The following SLC25A33 variants were observed in gnomAD, a reference collection of about 807,000 sequenced individuals.
SLC25A33 encodes the protein bone marrow stromal cell mitochondrial carrier protein.
A neutral mutation model predicts 35.5 loss-of-function variants in SLC25A33; 15 were observed. That is an observed-to-expected ratio of 0.42 (90% CI 0.28 to 0.65). SLC25A33 has a LOEUF of 0.65. Ranked by LOEUF, SLC25A33 falls within the 30% of genes least tolerant of loss-of-function variation. The pLI is 0.20. For missense variants in SLC25A33, 257 were observed against 398.5 expected, an observed-to-expected ratio of 0.64 and a Z score of 3.02; for synonymous variants, 136 against 148.7, an observed-to-expected ratio of 0.91 and a Z score of 0.62.
At position 9,584,390 on chromosome 1, in the gene SLC25A33, C is replaced by G. The variant is rs1212763693; in HGVS notation, c.*1889C>G. ...TACAATACATGACAGTAATGCTATT[C>G]CAGAAGTTTTGTTTTGTTTTGTTTT... On this transcript the variant is annotated 3_prime_UTR_variant, in exon 7 of 7. Coordinates refer to ENST00000302692, the MANE Select transcript of SLC25A33 (RefSeq NM_032315.3). 6.6e-6 allele frequency: 1 copy of G among 152,116 alleles called. No homozygotes were observed. Among genetic ancestry groups the G allele is most frequent in the Non-Finnish European group, 1.5e-5 (1 of 68,054 alleles). 9.4% of individuals were successfully genotyped at this position (152,116 alleles called of 1,614,324 possible).
intron 1 of SLC25A33, among the ~76,000 whole-genome samples, chr1:9,546,281 T>A (rs1569841726): frequency 6.8e-6 from 1 of 146,738 alleles, no homozygotes; most frequent in African/African-American, 2.6e-5. Flanking sequence ...ATCTCCCGGG[T>A]TCACGCCATT....
At chr1:9,553,203 G>T (rs369700076) in intron 1 of SLC25A33, among the ~76,000 whole-genome samples, 209 of 56,344 alleles carry the variant, frequency 3.7e-3, no homozygotes, top group Middle Eastern at 0.021. Context: ...TTCTAGTTTT[G>T]TTTTTTTTTT....
intron 1 of SLC25A33, 21 bp from the exon 2 acceptor site, chr1:9,553,605 C>G (rs771490224): frequency 7.4e-6 from 12 of 1,611,862 alleles, no homozygotes; most frequent in Non-Finnish European, 1.0e-5. Context: ...CTTCTCTGAT[C>G]TGCTTTGGTT....
intron 1 of SLC25A33, among the ~76,000 whole-genome samples, chr1:9,545,163 G>A (rs1643149038): frequency 6.6e-6 from 1 of 152,056 alleles, no homozygotes; most frequent in South Asian, 2.1e-4. Context: ...AATAATGAGA[G>A]AAGGTAGAGG....
At chr1:9,539,851 G>A (rs1643049535) in intron 1 of SLC25A33, 104 bp downstream of exon 1, 5 of 1,077,480 alleles carry the variant, frequency 4.6e-6, no homozygotes, top group South Asian at 3.7e-5. Context: ...GGCCTTCCCC[G>A]GGCTACGGCG....
At chr1:9,568,822 G>C (rs1323571245) in intron 3 of SLC25A33, among the ~76,000 whole-genome samples, 1 of 151,980 alleles carries the variant, frequency 6.6e-6, no homozygotes, top group Non-Finnish European at 1.5e-5. Flanking sequence ...CTCCAGCCTG[G>C]GCGACAGAGC....
intron 4 of SLC25A33, 145 bp downstream of exon 4, chr1:9,570,503 A>G: frequency 1.5e-6 from 1 of 666,032 alleles, no homozygotes; most frequent in Non-Finnish European, 2.5e-6. Context: ...GTTACAACCA[A>G]TAGGAGAGTG....
chr1:9,571,147 TTCTAGTAGGG>T (rs1643584413), intron 4 of SLC25A33, among the ~76,000 whole-genome samples: 1 of 152,114 alleles, frequency 6.6e-6, no homozygotes, highest in South Asian at 2.1e-4. Flanking sequence ...GCAGTAGAGT[TTCTAGTAGGG>T]TCAGTGACAG....
intron 2 of SLC25A33, 149 bp downstream of exon 2, chr1:9,553,954 G>A: frequency 1.1e-6 from 1 of 940,106 alleles, no homozygotes; most frequent in African/African-American, 1.7e-5. Context: ...CAATACCTTT[G>A]AGCTCTGACC....
chr1:9,563,140 G>C (rs559461797), intron 2 of SLC25A33, among the ~76,000 whole-genome samples: 1 of 151,902 alleles, frequency 6.6e-6, no homozygotes, highest in Admixed American at 6.6e-5. Context: ...TAGCCAGGAC[G>C]GTCTCGATCT....
chr1:9,549,909 C>T (rs142798237), intron 1 of SLC25A33, among the ~76,000 whole-genome samples: 2,632 of 144,856 alleles, frequency 0.018, 42 homozygotes, highest in Non-Finnish European at 0.029. Context: ...AGGTGTGAGC[C>T]GCCACGCCCA....
rs578181879 is a variant in SLC25A33 at position 9,567,130 on chromosome 1, G to A, written c.237-154G>A. Among the ~76,000 whole-genome samples, 37 of 152,260 alleles carry A rather than the reference G, an allele frequency of 2.4e-4. 1 individual carries two copies. The South Asian group carries it at 7.0e-3, about 29-fold the overall frequency. ...TGATAGCAGTATTCTACAGCCTTCC[G>A]ATTCTGTATTGTAACCAAATCAGAT... On this transcript the variant is annotated intron_variant, in intron 2 of 6. Transcript: ENST00000302692.
intron 1 of SLC25A33, among the ~76,000 whole-genome samples, chr1:9,541,581 A>G (rs1204451499): frequency 6.6e-6 from 1 of 151,778 alleles, no homozygotes; most frequent in Admixed American, 6.6e-5. Flanking sequence ...GTGAGCCACC[A>G]TGCCCGGCAG....
At chr1:9,543,522 A>C (rs544429618) in intron 1 of SLC25A33, among the ~76,000 whole-genome samples, 1 of 152,314 alleles carries the variant, frequency 6.6e-6, no homozygotes, top group South Asian at 2.1e-4. Flanking sequence ...TTCTGTATGT[A>C]GGCTTGATTT....
At chr1:9,560,425 G>A (rs1039046282) in intron 2 of SLC25A33, among the ~76,000 whole-genome samples, 1 of 151,540 alleles carries the variant, frequency 6.6e-6, no homozygotes, top group Non-Finnish European at 1.5e-5. Context: ...TTAGCCAGGT[G>A]TGGCGGTGGG....
intron 2 of SLC25A33, among the ~76,000 whole-genome samples, chr1:9,557,516 T>C (rs991043878): frequency 6.6e-6 from 1 of 151,560 alleles, no homozygotes; most frequent in Non-Finnish European, 1.5e-5. Flanking sequence ...CTGGGCAATG[T>C]GGCGAAATCC....
At chr1:9,539,790 TC>T in intron 1 of SLC25A33, 43 bp downstream of exon 1, 2 of 1,319,012 alleles carry the variant, frequency 1.5e-6, no homozygotes. Flanking sequence ...CCGCCTGCGG[TC>T]CCCTCGGCCT....
In SLC25A33 at chr1:9,542,333, G is replaced by A. The variant is rs1482002972; in HGVS notation, c.56+2586G>A. On this transcript the variant is annotated intron_variant, in intron 1 of 6. Transcript: ENST00000302692. ...GCTCTCCTGCTTGATTAAGATGTAG[G>A]TAGTTCATTAGGGTGGCGCCTGAAG... 3.9e-5 allele frequency among the ~76,000 whole-genome samples: 6 copies of A among 152,092 alleles called. No homozygotes were observed. In the East Asian group the frequency reaches 7.7e-4, roughly 20 times the overall value.
At chr1:9,539,943 A>G (rs948481986) in intron 1 of SLC25A33, among the ~76,000 whole-genome samples, 196 bp downstream of exon 1, 2 of 151,934 alleles carry the variant, frequency 1.3e-5, no homozygotes, top group Non-Finnish European at 2.9e-5. Flanking sequence ...CCTCACCCCT[A>G]CGTCCTGACC....
Sources: gnomAD v4.1 joint callset for allele counts (sites outside exome capture counted in the v4.1 genomes callset) on GRCh38, gnomAD v4.1.1 for gene constraint, MANE v1.5 for transcripts, NCBI Gene and HGNC (gene_info 2026-07-23, HGNC 2026-07-21) for gene names.